Variants in RANBP2 observed in about 807,000 individuals in gnomAD.
RANBP2 encodes E3 SUMO-protein ligase RanBP2.
A neutral mutation model predicts 303.6 loss-of-function variants in RANBP2; 57 were observed. The observed-to-expected ratio is 0.19, with a 90% CI of 0.15 to 0.23. RANBP2 has a LOEUF of 0.23. RANBP2 is among the 10% of genes least tolerant of loss of function. RANBP2 has a pLI of 1.00. For synonymous variants in RANBP2, 1,167 were observed against 1,301.5 expected (o/e 0.90, Z 2.23); for missense variants, 3,138 against 3,780.8 (o/e 0.83, Z 4.46).
chr2:108,987,833 C>T, the RANBP2 span, among the ~76,000 whole-genome samples: 1 of 152,186 alleles, frequency 6.6e-6, no homozygotes, highest in Non-Finnish European at 1.5e-5. Context: ...TTTTTGGTGG[C>T]CTCTGTCAAA....
At chr2:109,352,354 C>G in the RANBP2 span, among the ~76,000 whole-genome samples, 3 of 152,196 alleles carry the variant, frequency 2.0e-5, no homozygotes, top group Non-Finnish European at 4.4e-5. Context: ...GACTGGTCTG[C>G]TATGCTTTTA....
At chr2:108,840,536 A>G in the RANBP2 span, among the ~76,000 whole-genome samples, 1 of 152,196 alleles carries the variant, frequency 6.6e-6, no homozygotes, top group Non-Finnish European at 1.5e-5. Context: ...TATGTAATTC[A>G]TATCGATGAT....
the RANBP2 span, among the ~76,000 whole-genome samples, chr2:109,119,521 CT>C: frequency 6.6e-6 from 1 of 152,102 alleles, no homozygotes; most frequent in Non-Finnish European, 1.5e-5. Flanking sequence ...ATGCTGGAAG[CT>C]TTTTTTATAT....
chr2:109,334,495 G>A, the RANBP2 span, among the ~76,000 whole-genome samples: 2 of 152,242 alleles, frequency 1.3e-5, no homozygotes, highest in East Asian at 1.9e-4. Context: ...TCGCAATAAG[G>A]GCACAGACTG....
At chr2:108,753,308 G>A in intron 13 of RANBP2, 118 bp from the exon 14 acceptor site, 1 of 1,604,084 alleles carries the variant, frequency 6.2e-7, no homozygotes, top group South Asian at 1.1e-5. Context: ...CATAAGATAT[G>A]ACAGAGAAGA....
chr2:109,032,864 A>G, the RANBP2 span, among the ~76,000 whole-genome samples: 3 of 152,214 alleles, frequency 2.0e-5, no homozygotes, highest in Non-Finnish European at 4.4e-5. Flanking sequence ...CTGTGGGCCT[A>G]ACAGAGAACT....
At chr2:109,056,841 G>C in the RANBP2 span, among the ~76,000 whole-genome samples, 1 of 152,194 alleles carries the variant, frequency 6.6e-6, no homozygotes. Context: ...ATATGCTGTA[G>C]GAACAGTTGT....
the RANBP2 span, among the ~76,000 whole-genome samples, chr2:109,633,879 T>C: frequency 1.1e-5 from 1 of 93,938 alleles, no homozygotes; most frequent in Non-Finnish European, 2.5e-5. Context: ...TCCAGCACTT[T>C]AGGAGGTCAA....
At chr2:109,117,588 G>A in the RANBP2 span, among the ~76,000 whole-genome samples, 3 of 152,168 alleles carry the variant, frequency 2.0e-5, no homozygotes, top group East Asian at 1.9e-4. Flanking sequence ...TGCGCTTCCC[G>A]AGGGAGGCAA....
chr2:108,825,012 G>A, the RANBP2 span, among the ~76,000 whole-genome samples: 8 of 152,178 alleles, frequency 5.3e-5, no homozygotes, highest in East Asian at 1.5e-3. Context: ...CTAGACATAT[G>A]TATGGAAGAT....
the RANBP2 span, among the ~76,000 whole-genome samples, chr2:109,162,278 A>C: frequency 2.0e-5 from 3 of 152,220 alleles, no homozygotes; most frequent in African/African-American, 7.2e-5. Context: ...AGAGCTGTTA[A>C]AATTCCTAAA....
At chr2:109,347,604 C>T in the RANBP2 span, 1 of 1,553,022 alleles carries the variant, frequency 6.4e-7, no homozygotes, top group South Asian at 1.2e-5. Context: ...CCCGGCCTGC[C>T]CCGGCAGATC....
the RANBP2 span, among the ~76,000 whole-genome samples, chr2:108,889,736 A>G: frequency 6.6e-6 from 1 of 152,144 alleles, no homozygotes; most frequent in Non-Finnish European, 1.5e-5. Context: ...TTCTTAATCC[A>G]TTCAGCTATT....
At chr2:109,303,267 A>G in the RANBP2 span, among the ~76,000 whole-genome samples, 2 of 152,208 alleles carry the variant, frequency 1.3e-5, no homozygotes, top group Non-Finnish European at 2.9e-5. Flanking sequence ...CCTCCCTCAC[A>G]TATGCTTCCC....
chr2:109,680,762 T>G, the RANBP2 span, among the ~76,000 whole-genome samples: 5 of 152,290 alleles, frequency 3.3e-5, no homozygotes, highest in African/African-American at 1.2e-4. Context: ...AGTGATTACT[T>G]TGCAAAAAAT....
the RANBP2 span, among the ~76,000 whole-genome samples, chr2:109,359,686 T>C: frequency 6.6e-6 from 1 of 152,176 alleles, no homozygotes; most frequent in Admixed American, 6.5e-5. Flanking sequence ...ACCAACATGA[T>C]GCTGCAAGTG....
At chr2:108,728,918 ACAGG>A (rs1694951228) in intron 1 of RANBP2, among the ~76,000 whole-genome samples, 1 of 152,244 alleles carries the variant, frequency 6.6e-6, no homozygotes, top group African/African-American at 2.4e-5. Flanking sequence ...TGCTGGGATT[ACAGG>A]CATGAGCCGC....
At chr2:108,836,010 C>T in the RANBP2 span, among the ~76,000 whole-genome samples, 1 of 152,116 alleles carries the variant, frequency 6.6e-6, no homozygotes, top group Non-Finnish European at 1.5e-5. Context: ...ATTATAATGC[C>T]GTTAATCCAT....
the RANBP2 span, among the ~76,000 whole-genome samples, chr2:108,818,031 C>T: frequency 6.6e-6 from 1 of 152,156 alleles, no homozygotes. Flanking sequence ...GAGGGCTGGG[C>T]ACGGTGGCTC....
Sources: gnomAD v4.1 joint callset for allele counts (sites outside exome capture counted in the v4.1 genomes callset) on GRCh38, gnomAD v4.1.1 for gene constraint, MANE v1.5 for transcripts, NCBI Gene and HGNC (gene_info 2026-07-23, HGNC 2026-07-21) for gene names.